NEDD9: variants seen among roughly 807,000 people sequenced by gnomAD.
The protein encoded by NEDD9 is enhancer of filamentation 1.
Under a neutral mutation model 76.6 loss-of-function variants are expected in NEDD9, and 26 were observed. The ratio of observed to expected loss-of-function variants is 0.34; its 90% CI spans 0.25 to 0.47. The LOEUF (loss-of-function observed/expected upper bound fraction) is 0.47, where lower values mean the gene tolerates loss of function less well. NEDD9 is among the 20% of genes least tolerant of loss of function. The probability of loss-of-function intolerance (pLI) is 1.00; values close to 1 mark genes in which losing one functional copy is unlikely to be tolerated. For missense variants in NEDD9, 937 were observed against 1,058.5 expected, an observed-to-expected ratio of 0.89 and a Z score of 1.59; for synonymous variants, 392 against 414.2, an observed-to-expected ratio of 0.95 and a Z score of 0.65.
intron 2 of NEDD9, among the ~76,000 whole-genome samples, chr6:11,320,427 C>T (rs538689460): frequency 1.3e-5 from 2 of 152,182 alleles, no homozygotes; most frequent in African/African-American, 2.4e-5. Context: ...TGCCAGGTCC[C>T]GTTGCACTAT....
intron 2 of NEDD9, among the ~76,000 whole-genome samples, chr6:11,331,476 G>T (rs1255812317): frequency 6.6e-6 from 1 of 152,044 alleles, no homozygotes; most frequent in African/African-American, 2.4e-5. Context: ...GTGGGAGTGG[G>T]GAGGAGATAT....
chr6:11,290,748 G>A (rs1246456452), intron 3 of NEDD9, among the ~76,000 whole-genome samples: 4 of 152,212 alleles, frequency 2.6e-5, no homozygotes, highest in Admixed American at 2.6e-4. Flanking sequence ...CTGACTAGCT[G>A]TGGGTAACAT....
intron 1 of NEDD9, among the ~76,000 whole-genome samples, chr6:11,351,901 C>T (rs1188293066): frequency 6.6e-6 from 1 of 152,234 alleles, no homozygotes; most frequent in African/African-American, 2.4e-5. Flanking sequence ...TCTTGCCAGC[C>T]CTACAATTCC....
chr6:11,207,511 A>G (rs879610091), intron 2 of NEDD9: 2 of 152,220 alleles, frequency 1.3e-5, no homozygotes, highest in Non-Finnish European at 2.9e-5. Context: ...TCCTGCCAAC[A>G]TTTGGCCGTG....
chr6:11,354,373 G>A lies in NEDD9; in HGVS notation c.-213-19812C>T, dbSNP rs536328292. Among the ~76,000 whole-genome samples, 14 of 152,176 alleles carry A rather than the reference G, an allele frequency of 9.2e-5. No individual in the cohort carries two copies. The East Asian group carries it at 1.2e-3, about 13-fold the overall frequency. ...CCCAGCAAAGGGCTTATCATTTTTC[G>A]GATGGAGTCCCATGGGTTCTGGGGC... On this transcript the variant is annotated intron_variant, in intron 1 of 3. Coordinates refer to the NEDD9 transcript ENST00000397378.
intron 3 of NEDD9, among the ~76,000 whole-genome samples, chr6:11,273,824 A>G (rs1257826254): frequency 6.6e-6 from 1 of 152,226 alleles, no homozygotes. Context: ...TGTCAAGATT[A>G]AGGAAAACGA....
chr6:11,352,029 T>A (rs1302688217), intron 1 of NEDD9: 1 of 152,202 alleles, frequency 6.6e-6, no homozygotes. Flanking sequence ...GTAAGGTGGG[T>A]CAAGTGGTTC....
intron 3 of NEDD9, among the ~76,000 whole-genome samples, chr6:11,263,421 T>C (rs1222600504): frequency 6.6e-6 from 1 of 152,198 alleles, no homozygotes; most frequent in African/African-American, 2.4e-5. Context: ...TTCAACTGCC[T>C]TTGCCAGCCC....
intron 1 of NEDD9, among the ~76,000 whole-genome samples, chr6:11,377,423 G>A (rs1303770312): frequency 6.6e-6 from 1 of 152,250 alleles, no homozygotes; most frequent in Non-Finnish European, 1.5e-5. Flanking sequence ...TTATAACAGT[G>A]TGCCCTAAAT....
chr6:11,357,055 T>C lies in NEDD9; in HGVS notation c.-213-22494A>G, dbSNP rs546497610. Among the ~76,000 whole-genome samples, 61 of 152,240 alleles carry C rather than the reference T, an allele frequency of 4.0e-4. No homozygotes were observed. In the Middle Eastern group the frequency reaches 0.014, roughly 34 times the overall value. On this transcript the variant is annotated intron_variant, in intron 1 of 3. Coordinates refer to the NEDD9 transcript ENST00000397378. Reference sequence around the variant, plus strand: ...CCACTGGGGTCTCGTTGAGCCACCATTTTTTGGAGCTCCATTTTGCTTCGT... The same window carrying C: ...CCACTGGGGTCTCGTTGAGCCACCACTTTTTGGAGCTCCATTTTGCTTCGT...
chr6:11,310,114 T>C (rs1026462013), intron 2 of NEDD9, among the ~76,000 whole-genome samples: 1 of 152,128 alleles, frequency 6.6e-6, no homozygotes, highest in African/African-American at 2.4e-5. Context: ...AATTGCTGAA[T>C]TGCCCAGCTG....
At position 11,213,541 on chromosome 6, in the gene NEDD9, T is replaced by C. The variant is rs1466768676; in HGVS notation, c.199A>G (p.Met67Val). 1.2e-6 allele frequency: 2 copies of C among 1,614,074 alleles called. No individual in the cohort carries two copies. The highest frequency in any genetic ancestry group is 1.3e-5 in the African/African-American group (1 of 74,934). The change falls in exon 2 of 7, where the codon ATG becomes GTG. Residue 67 changes from methionine (M) to valine (V), a missense_variant. Coordinates refer to ENST00000379446, the MANE Select transcript of NEDD9 (RefSeq NM_006403.4). The surrounding 1 kb of genome is among the most constrained non-coding windows in gnomAD (Gnocchi z 5.4). ...GNRVKLLIGP[M>V]QETASSHEQP... ...TCGTGACTGGAGGCAGTCTCCTGCATGGGACCAATCAGAAGCTTCACCCGG... is the reference window on the plus strand; with the variant it reads ...TCGTGACTGGAGGCAGTCTCCTGCACGGGACCAATCAGAAGCTTCACCCGG...
At chr6:11,244,516 A>G (rs961488177) in intron 3 of NEDD9, among the ~76,000 whole-genome samples, 5 of 152,198 alleles carry the variant, frequency 3.3e-5, no homozygotes, top group Non-Finnish European at 5.9e-5. Context: ...ATCAATATTT[A>G]AGACATAAAT....
chr6:11,365,933 G>A (rs902359388), intron 1 of NEDD9, among the ~76,000 whole-genome samples: 8 of 152,112 alleles, frequency 5.3e-5, no homozygotes, highest in African/African-American at 1.4e-4. Context: ...AGAGGTTGCC[G>A]TGAGCCGAGA....
At chr6:11,346,360 A>G (rs1289161829) in intron 1 of NEDD9, among the ~76,000 whole-genome samples, 3 of 152,164 alleles carry the variant, frequency 2.0e-5, no homozygotes, top group Admixed American at 1.3e-4. Context: ...AACTGACTAA[A>G]GAATGTGGGA....
chr6:11,298,733 G>A (rs1170263136), intron 3 of NEDD9, among the ~76,000 whole-genome samples: 1 of 152,164 alleles, frequency 6.6e-6, no homozygotes, highest in African/African-American at 2.4e-5. Flanking sequence ...GTTCCAGTTT[G>A]GATTACTAAT....
At chr6:11,209,042 T>C (rs1758695975) in intron 2 of NEDD9, among the ~76,000 whole-genome samples, 1 of 152,250 alleles carries the variant, frequency 6.6e-6, no homozygotes, top group Admixed American at 6.5e-5. Flanking sequence ...GCAACCATGA[T>C]GCATATTTAG....
At chr6:11,202,768 A>G (rs1370465311) in intron 2 of NEDD9, among the ~76,000 whole-genome samples, 2 of 152,220 alleles carry the variant, frequency 1.3e-5, no homozygotes, top group Non-Finnish European at 2.9e-5. Context: ...TCTGGTGCTC[A>G]TGAAGTTTTT....
At chr6:11,242,017 C>A (rs1300723588) in intron 3 of NEDD9, among the ~76,000 whole-genome samples, 1 of 152,224 alleles carries the variant, frequency 6.6e-6, no homozygotes, top group Non-Finnish European at 1.5e-5. Context: ...AGAAAGCAAA[C>A]AAAGTGCTCC....
Sources: gnomAD v4.1 joint callset for allele counts (sites outside exome capture counted in the v4.1 genomes callset) on GRCh38, gnomAD v4.1.1 for gene constraint, Gnocchi (gnomAD v3.1) non-coding constraint, MANE v1.5 for transcripts, NCBI Gene and HGNC (gene_info 2026-07-23, HGNC 2026-07-21) for gene names.